The following NAF1 variants were observed in gnomAD, a reference collection of about 807,000 sequenced individuals.
The protein encoded by NAF1 is nuclear assembly factor 1 ribonucleoprotein.
In NAF1, 11 loss-of-function variants were observed where a neutral mutation model predicts 40.6. That is an observed-to-expected ratio of 0.27 (90% CI 0.17 to 0.45). The LOEUF is 0.45. NAF1 is among the 20% of genes least tolerant of loss of function. NAF1 has a pLI of 1.00. For missense variants in NAF1, 607 were observed against 611.1 expected (o/e 0.99, Z 0.07); for synonymous variants, 260 against 228.5 (o/e 1.14, Z -1.24).
In NAF1 at chr4:163,145,027, C is replaced by T. The variant is rs540114419; in HGVS notation, c.717+755G>A. ...CACAAATAATTTACAAAGAACTGTA[C>T]TAGATACAATGGGGAATATCAAGGT... On this transcript the variant is annotated intron_variant, in intron 4 of 7. Coordinates refer to ENST00000274054, the MANE Select transcript of NAF1 (RefSeq NM_138386.3). 5.0e-4 allele frequency among the ~76,000 whole-genome samples: 76 copies of T among 152,238 alleles called. 1 individual carries two copies. The highest frequency in any genetic ancestry group is 9.4e-4 in the Non-Finnish European group (64 of 68,008).
chr4:163,150,929 T>C (rs981423747), intron 2 of NAF1, among the ~76,000 whole-genome samples: 2 of 152,118 alleles, frequency 1.3e-5, no homozygotes, highest in African/African-American at 4.8e-5. Context: ...GATAAGTAAA[T>C]TTTAAATCTT....
intron 6 of NAF1, among the ~76,000 whole-genome samples, chr4:163,134,566 T>A (rs1459290788): frequency 6.6e-6 from 1 of 152,200 alleles, no homozygotes; most frequent in Admixed American, 6.5e-5. Context: ...GAAAACAGAT[T>A]AAATGTACAA....
chr4:163,137,095 G>A (rs933863529), intron 6 of NAF1, 104 bp downstream of exon 6: 3 of 1,283,802 alleles, frequency 2.3e-6, no homozygotes, highest in African/African-American at 3.0e-5. Context: ...CAGTATGGCT[G>A]CTAGCCAGTA....
intron 4 of NAF1, among the ~76,000 whole-genome samples, chr4:163,141,453 T>C (rs2110938739): frequency 6.6e-6 from 1 of 152,346 alleles, no homozygotes; most frequent in East Asian, 1.9e-4. Flanking sequence ...TTTAAGACCA[T>C]ACTGTAGTTT....
At chr4:163,163,206 A>T (rs1732297797) in intron 2 of NAF1, among the ~76,000 whole-genome samples, 1 of 152,196 alleles carries the variant, frequency 6.6e-6, no homozygotes, top group Non-Finnish European at 1.5e-5. Flanking sequence ...ACATATCTGT[A>T]GCATGAAAAT....
chr4:163,156,461 GT>G (rs1731990964), intron 2 of NAF1, among the ~76,000 whole-genome samples: 1 of 150,760 alleles, frequency 6.6e-6, no homozygotes, highest in African/African-American at 2.4e-5. Context: ...AAGACTTTTT[GT>G]TTTGTTTACT....
intron 2 of NAF1, among the ~76,000 whole-genome samples, chr4:163,151,544 C>G (rs752522913): frequency 6.6e-6 from 1 of 152,028 alleles, no homozygotes; most frequent in Non-Finnish European, 1.5e-5. Flanking sequence ...ATACTAAGTA[C>G]ACTTATATAT....
At chr4:163,157,998 T>C (rs1196993991) in intron 2 of NAF1, among the ~76,000 whole-genome samples, 8 of 152,132 alleles carry the variant, frequency 5.3e-5, no homozygotes, top group Non-Finnish European at 1.2e-4. Flanking sequence ...TTGATGACTT[T>C]CTAAAGTAAA....
chr4:163,107,470 A>T (rs1730067873), downstream of NAF1, among the ~76,000 whole-genome samples: 1 of 152,220 alleles, frequency 6.6e-6, no homozygotes, highest in African/African-American at 2.4e-5. Context: ...TCTCCAGGAC[A>T]GAGCTTTCCC....
chr4:163,150,734 TACA>T (rs1731665751), intron 2 of NAF1, among the ~76,000 whole-genome samples: 4 of 152,124 alleles, frequency 2.6e-5, no homozygotes, highest in Admixed American at 2.6e-4. Flanking sequence ...CACACAATGA[TACA>T]ACATTCTTTT....
intron 5 of NAF1, among the ~76,000 whole-genome samples, chr4:163,139,510 C>A (rs953110548): frequency 6.6e-6 from 1 of 151,890 alleles, no homozygotes; most frequent in Non-Finnish European, 1.5e-5. Context: ...AATTAAATAA[C>A]ATAATTATAA....
downstream of NAF1, among the ~76,000 whole-genome samples, chr4:163,122,348 AAAG>A (rs1006613196): frequency 4.5e-4 from 68 of 152,310 alleles, no homozygotes; most frequent in African/African-American, 1.6e-3. Context: ...TGCAGAACAA[AAAG>A]AAGTGGAGAG....
chr4:163,141,360 A>G (rs373460211), intron 4 of NAF1, among the ~76,000 whole-genome samples: 4 of 152,136 alleles, frequency 2.6e-5, no homozygotes, highest in South Asian at 2.1e-4. Flanking sequence ...GCGAGATAAT[A>G]TATGTATATT....
At chr4:163,104,803 G>C in the NAF1 span, among the ~76,000 whole-genome samples, 1 of 152,190 alleles carries the variant, frequency 6.6e-6, no homozygotes, top group South Asian at 2.1e-4. Flanking sequence ...TGATCACTTA[G>C]ATCTTGTGAA....
intron 2 of NAF1, among the ~76,000 whole-genome samples, chr4:163,155,362 TG>T (rs1247272473): frequency 6.6e-6 from 1 of 152,236 alleles, no homozygotes; most frequent in African/African-American, 2.4e-5. Flanking sequence ...CCCAAAAAGA[TG>T]GCTAGCACAT....
downstream of NAF1, among the ~76,000 whole-genome samples, chr4:163,107,018 G>T (rs1009271392): frequency 3.3e-5 from 5 of 151,020 alleles, no homozygotes; most frequent in African/African-American, 1.2e-4. Context: ...ATGGAGTCTC[G>T]CTCTGTCAGC....
chr4:163,130,177 C>T (rs1018185648), intron 7 of NAF1, among the ~76,000 whole-genome samples: 2 of 151,976 alleles, frequency 1.3e-5, no homozygotes, highest in African/African-American at 4.8e-5. Flanking sequence ...TAATATAATA[C>T]TCAATATACC....
Position 163,129,319 on chromosome 4 carries a change from A to C in NAF1, c.1063T>G (p.Trp355Gly), listed in dbSNP as rs780120065. ...TCTGAAGCAGAGCTATGAGCATTCC[A>C]ATTCTGATGTACTTCAGTAAAATCT... Reference protein sequence around the residue: ...GEDFTEVHQNWNAHSSASEHA... With the variant: ...GEDFTEVHQNGNAHSSASEHA... Residue 355 changes from tryptophan (W) to glycine (G), a missense_variant, in exon 8 of 8, where the codon TGG (tryptophan) becomes GGG (glycine). Physicochemically the swap from Trp to Gly is radical, Grantham distance 184. Coordinates refer to ENST00000274054, the MANE Select transcript of NAF1 (RefSeq NM_138386.3). The C allele has an allele frequency of 3.1e-6, 5 of 1,612,416 alleles. No homozygotes were observed. The South Asian group carries it at 5.5e-5, about 18-fold the overall frequency.
chr4:163,161,635 CG>C lies in NAF1; in HGVS notation c.540+2581del, dbSNP rs139936484. Among the ~76,000 whole-genome samples, 572 of 152,276 alleles carry C rather than the reference CG, an allele frequency of 3.8e-3. 3 individuals carry two copies. The highest frequency in any genetic ancestry group is 0.013 in the African/African-American group (546 of 41,550). ...AGCTGCCTTAGTTCCCAGCTGCTTT[CG>C]AATAAACTTCCATTTCTCCTGAGGT... On this transcript the variant is annotated intron_variant, in intron 2 of 7. Coordinates refer to ENST00000274054, the MANE Select transcript of NAF1 (RefSeq NM_138386.3).
Sources: allele counts gnomAD v4.1 joint callset (sites outside exome capture counted in the v4.1 genomes callset), GRCh38; gene constraint gnomAD v4.1.1; transcripts MANE v1.5; gene names NCBI Gene and HGNC (gene_info 2026-07-23, HGNC 2026-07-21).